TSC22D3: variants seen among roughly 807,000 people sequenced by gnomAD.
TSC22D3 encodes TSC22 domain family protein 3.
In TSC22D3, 4 loss-of-function variants were observed where a neutral mutation model predicts 11.1. That is an observed-to-expected ratio of 0.36 (90% confidence interval 0.18 to 0.83). TSC22D3 has a LOEUF of 0.83. Among genes scored for constraint, TSC22D3 ranks in the 40% least tolerant of loss-of-function variants. The pLI is 0.48. For synonymous variants in TSC22D3, 77 were observed against 70.3 expected (o/e 1.10, Z -0.48); for missense variants, 118 against 159.4 (o/e 0.74, Z 1.40).
chrX:107,773,569 G>A (rs1176044592), intron 1 of TSC22D3, among the ~76,000 whole-genome samples: 5 of 111,245 alleles, frequency 4.5e-5, no homozygotes, highest in African/African-American at 3.3e-5. Flanking sequence ...CTTTCTGCCC[G>A]CAGCCTGGTT....
intron 1 of TSC22D3, among the ~76,000 whole-genome samples, chrX:107,748,705 TC>T (rs1699727629): frequency 8.9e-6 from 1 of 112,171 alleles, no homozygotes; most frequent in Non-Finnish European, 1.9e-5. Context: ...CTCAAGAGTC[TC>T]CCGAGTCTGT....
chrX:107,733,576 C>T (rs1462826640), intron 1 of TSC22D3, among the ~76,000 whole-genome samples: 2 of 111,188 alleles, frequency 1.8e-5, no homozygotes. Flanking sequence ...ACCATCCATC[C>T]TGTCCCCTCA....
chrX:107,730,932 A>C (rs1927849655), intron 1 of TSC22D3, among the ~76,000 whole-genome samples: 1 of 111,875 alleles, frequency 8.9e-6, no homozygotes, highest in African/African-American at 3.2e-5. Flanking sequence ...CTTCCTTAGC[A>C]ATGCCCGCTT....
intron 1 of TSC22D3, among the ~76,000 whole-genome samples, chrX:107,730,531 G>A (rs1212247586): frequency 1.8e-5 from 2 of 111,638 alleles, no homozygotes; most frequent in Non-Finnish European, 3.8e-5. Flanking sequence ...CCCCCGGAAT[G>A]CCAGGATGGG....
At position 107,714,304 on chromosome X, in the gene TSC22D3, G is replaced by T. The variant is rs1290397857; in HGVS notation, c.*215C>A. 1 of 409,645 alleles carries T rather than the reference G, an allele frequency of 2.4e-6. No individual in the cohort carries two copies. Among genetic ancestry groups the T allele is most frequent in the African/African-American group, 2.5e-5 (1 of 40,051 alleles). The allele number at this position is 409,645 out of a possible 1,213,427, so 33.8% of individuals were successfully genotyped here. A position where few individuals can be genotyped will look rare whatever the true frequency, so the allele number is the denominator to read the frequency against. ...GAGGCTCACTGGCTTGGTGTTACTA[G>T]GCCCCATGCAACTCAGCCTCCAGAG... On this transcript the variant is annotated 3_prime_UTR_variant, in exon 3 of 3. Transcript: ENST00000372383.
intron 1 of TSC22D3, among the ~76,000 whole-genome samples, chrX:107,762,416 A>T (rs1929478769): frequency 8.9e-6 from 1 of 112,163 alleles, no homozygotes; most frequent in Admixed American, 9.4e-5. Flanking sequence ...CTCCAATGGA[A>T]ATTTCATTGA....
intron 1 of TSC22D3, among the ~76,000 whole-genome samples, chrX:107,730,840 T>G (rs1430353344): frequency 8.9e-6 from 1 of 112,041 alleles, no homozygotes; most frequent in Non-Finnish European, 1.9e-5. Context: ...TCCTCCTGCC[T>G]GTTCCTTTAT....
At chrX:107,719,806 T>C (rs1431667096) in intron 1 of TSC22D3, among the ~76,000 whole-genome samples, 4 of 111,635 alleles carry the variant, frequency 3.6e-5, no homozygotes, top group African/African-American at 9.8e-5. Context: ...CTTTGAGTTC[T>C]GCGAGCCTTG....
chrX:107,717,354 G>A (rs1229871179), intron 1 of TSC22D3, among the ~76,000 whole-genome samples: 1 of 112,695 alleles, frequency 8.9e-6, no homozygotes, highest in African/African-American at 3.2e-5. Context: ...AACAGCGCTA[G>A]TTTGAAAAGC....
chrX:107,743,836 A>T (rs1404685889), intron 1 of TSC22D3, among the ~76,000 whole-genome samples: 1 of 111,869 alleles, frequency 8.9e-6, no homozygotes, highest in Non-Finnish European at 1.9e-5. Context: ...GGGGGGAATC[A>T]ACAGGGGAAC....
intron 1 of TSC22D3, among the ~76,000 whole-genome samples, chrX:107,723,388 C>T (rs1319490888): frequency 1.8e-5 from 2 of 112,478 alleles, no homozygotes; most frequent in Non-Finnish European, 3.8e-5. Context: ...TTAGCATGGG[C>T]TCACCTCTCC....
intron 1 of TSC22D3, among the ~76,000 whole-genome samples, chrX:107,747,087 G>A (rs1382022308): frequency 2.7e-5 from 3 of 112,822 alleles, no homozygotes; most frequent in Non-Finnish European, 1.9e-5. Flanking sequence ...AGAACATTTA[G>A]TATAAGAAAC....
At chrX:107,727,700 C>A (rs1956565743) in intron 1 of TSC22D3, among the ~76,000 whole-genome samples, 1 of 111,908 alleles carries the variant, frequency 8.9e-6, no homozygotes, top group Admixed American at 9.4e-5. Flanking sequence ...AAGTGAACAG[C>A]CCTTTTCACA....
intron 1 of TSC22D3, among the ~76,000 whole-genome samples, chrX:107,722,456 T>C (rs1927385230): frequency 8.9e-6 from 1 of 112,190 alleles, no homozygotes; most frequent in African/African-American, 3.2e-5. Context: ...CTCAGAGAAG[T>C]AAAAAACTGC....
intron 2 of TSC22D3, chrX:107,715,657 G>C (rs1251619996): frequency 1.1e-5 from 5 of 443,885 alleles, no homozygotes; most frequent in Non-Finnish European, 2.0e-5. Flanking sequence ...GTCAGAGCCT[G>C]CGGCAAAGAC....
intron 2 of TSC22D3, among the ~76,000 whole-genome samples, chrX:107,714,999 C>A (rs1215359560): frequency 8.9e-6 from 1 of 111,932 alleles, no homozygotes; most frequent in Admixed American, 9.4e-5. Flanking sequence ...TAGATAGGTT[C>A]TCCCCTGCAA....
intron 1 of TSC22D3, among the ~76,000 whole-genome samples, chrX:107,735,543 A>T (rs1196555494): frequency 2.7e-5 from 3 of 110,074 alleles, no homozygotes; most frequent in Admixed American, 9.6e-5. Flanking sequence ...ATTCACCACC[A>T]CCCTCAGCAT....
intron 1 of TSC22D3, among the ~76,000 whole-genome samples, chrX:107,762,026 T>C (rs1929457342): frequency 8.9e-6 from 1 of 112,408 alleles, no homozygotes; most frequent in Non-Finnish European, 1.9e-5. Context: ...TTGCTATTTG[T>C]GTAATTACTA....
At chrX:107,755,042 T>C (rs1157826337) in intron 1 of TSC22D3, among the ~76,000 whole-genome samples, 8 of 112,026 alleles carry the variant, frequency 7.1e-5, no homozygotes, top group Non-Finnish European at 3.8e-5. Flanking sequence ...TGCCACAATC[T>C]CAGCTGTTAC....
Sources: gnomAD v4.1 joint callset for allele counts (sites outside exome capture counted in the v4.1 genomes callset) on GRCh38, gnomAD v4.1.1 for gene constraint, MANE v1.5 for transcripts, NCBI Gene and HGNC (gene_info 2026-07-23, HGNC 2026-07-21) for gene names.